LIPI: variants seen among roughly 807,000 people sequenced by gnomAD.
The protein encoded by LIPI is lipase member I.
In LIPI, 59 loss-of-function variants were observed where a neutral mutation model predicts 50.6. The ratio of observed to expected loss-of-function variants is 1.16; its 90% CI spans 0.94 to 1.45. LIPI has a LOEUF of 1.45. LIPI is among the 40% of genes most tolerant of loss of function. The pLI is 0.00. For missense variants in LIPI, 586 were observed against 536.3 expected (o/e 1.09, Z -0.92); for synonymous variants, 203 against 178.2 (o/e 1.14, Z -1.11).
In LIPI at chr21:14,144,690, G is replaced by A; in HGVS notation, c.1228C>T (p.Leu410=). ...TTGTATGTGCATGTGGAACACTGCA[G>A]ATTTGAGCTCTGGAAATATGTCAAA... is the stretch of plus-strand genomic sequence containing the variant. ...IGLTYFQSSN[L]QCSTCTYKIQ... The change falls in exon 9 of 10, where the codon CTG becomes TTG. Residue 410 remains leucine (L), a synonymous_variant. Transcript: ENST00000681601. 6.3e-7 allele frequency: 1 copy of A among 1,583,040 alleles called. No individual in the cohort carries two copies. Among genetic ancestry groups the A allele is most frequent in the Non-Finnish European group, 8.7e-7 (1 of 1,152,186 alleles).
chr21:14,182,409 G>C (rs183864692), intron 3 of LIPI, among the ~76,000 whole-genome samples: 128 of 152,150 alleles, frequency 8.4e-4, no homozygotes, highest in Admixed American at 2.0e-3. Flanking sequence ...TATTATTTCT[G>C]GGTTATCTTA....
intron 9 of LIPI, among the ~76,000 whole-genome samples, chr21:14,124,052 G>C (rs921044212): frequency 2.6e-5 from 4 of 152,176 alleles, no homozygotes; most frequent in Admixed American, 1.3e-4. Flanking sequence ...CTCATGGTTT[G>C]GAGGCTTTAA....
At chr21:14,133,741 C>CA (rs1025477294) in intron 9 of LIPI, among the ~76,000 whole-genome samples, 1 of 151,944 alleles carries the variant, frequency 6.6e-6, no homozygotes, top group Non-Finnish European at 1.5e-5. Flanking sequence ...AAGACTCCAC[C>CA]AAAAAAACTC....
intron 9 of LIPI, among the ~76,000 whole-genome samples, chr21:14,110,601 T>C (rs1386169350): frequency 6.6e-6 from 1 of 151,904 alleles, no homozygotes; most frequent in African/African-American, 2.4e-5. Context: ...TGTAATTTTC[T>C]ATCCTTTGAC....
At chr21:14,193,586 A>G (rs2019748671) in intron 1 of LIPI, among the ~76,000 whole-genome samples, 1 of 152,176 alleles carries the variant, frequency 6.6e-6, no homozygotes, top group Admixed American at 6.5e-5. Context: ...AAAAGTGAGC[A>G]GAAATGCTGC....
chr21:14,183,466 T>C (rs1194540258), intron 3 of LIPI, among the ~76,000 whole-genome samples: 2 of 152,098 alleles, frequency 1.3e-5, no homozygotes, highest in Non-Finnish European at 2.9e-5. Flanking sequence ...AAAGCCAAAA[T>C]TGAGAAATGG....
At chr21:14,203,456 T>G (rs2020130642) in intron 1 of LIPI, among the ~76,000 whole-genome samples, 1 of 152,090 alleles carries the variant, frequency 6.6e-6, no homozygotes, top group African/African-American at 2.4e-5. Flanking sequence ...AATGATAGAC[T>G]GGATTAAGAA....
At chr21:14,171,162 T>A (rs933042759) in intron 4 of LIPI, among the ~76,000 whole-genome samples, 1 of 150,850 alleles carries the variant, frequency 6.6e-6, no homozygotes, top group Non-Finnish European at 1.5e-5. Flanking sequence ...TTACAAGGGA[T>A]GTGATTGACC....
intron 7 of LIPI, among the ~76,000 whole-genome samples, chr21:14,161,499 T>A (rs1447383618): frequency 7.4e-6 from 1 of 134,536 alleles, no homozygotes; most frequent in Middle Eastern, 3.8e-3. Context: ...TATATAGATA[T>A]CTATAATATA....
chr21:14,181,989 T>C (rs2019289212), intron 3 of LIPI, 130 bp from the exon 4 acceptor site: 1 of 667,756 alleles, frequency 1.5e-6, no homozygotes, highest in Non-Finnish European at 2.7e-6. Flanking sequence ...TCCAAGAACA[T>C]ATCTAAAAAC....
chr21:14,146,777 T>A (rs1222379973), intron 8 of LIPI, among the ~76,000 whole-genome samples: 1 of 44,654 alleles, frequency 2.2e-5, no homozygotes, highest in African/African-American at 7.4e-5. Context: ...TCTCTATTTT[T>A]TTTTTTTTTT....
At chr21:14,204,002 C>G (rs1187192896) in intron 1 of LIPI, among the ~76,000 whole-genome samples, 1 of 151,826 alleles carries the variant, frequency 6.6e-6, no homozygotes, top group Admixed American at 6.6e-5. Context: ...AACCAAATGC[C>G]ACATGTTCTC....
At chr21:14,124,917 C>T (rs1313239353) in intron 9 of LIPI, among the ~76,000 whole-genome samples, 1 of 152,088 alleles carries the variant, frequency 6.6e-6, no homozygotes, top group Non-Finnish European at 1.5e-5. Flanking sequence ...ATTGCTTGAA[C>T]CCGGGAGGTG....
At chr21:14,199,553 C>T (rs1435970918) in intron 1 of LIPI, among the ~76,000 whole-genome samples, 1 of 151,378 alleles carries the variant, frequency 6.6e-6, no homozygotes, top group Non-Finnish European at 1.5e-5. Context: ...AATTGGAATC[C>T]CTGAACATAC....
At chr21:14,183,539 A>C (rs902208918) in intron 3 of LIPI, among the ~76,000 whole-genome samples, 1 of 152,212 alleles carries the variant, frequency 6.6e-6, no homozygotes, top group South Asian at 2.1e-4. Context: ...TGAACAGGCA[A>C]CCTATAGAAT....
At chr21:14,205,554 C>A (rs1285010033) in intron 1 of LIPI, among the ~76,000 whole-genome samples, 3 of 152,030 alleles carry the variant, frequency 2.0e-5, no homozygotes, top group Admixed American at 2.0e-4. Flanking sequence ...ATACCTCCCC[C>A]CACACACACA....
intron 4 of LIPI, among the ~76,000 whole-genome samples, chr21:14,173,555 G>A (rs2018993283): frequency 6.6e-6 from 1 of 152,186 alleles, no homozygotes; most frequent in Non-Finnish European, 1.5e-5. Flanking sequence ...TGCTAAATAA[G>A]ATAACAATGC....
In LIPI at chr21:14,154,486, G is replaced by A. The variant is rs566493717; in HGVS notation, c.1007-1802C>T. On this transcript the variant is annotated intron_variant, in intron 7 of 9. Transcript: ENST00000681601. ...ACCAGAAGGAAGGAGTTGAAGGAGGGAATAAGACAAAATGTAGAAAACTGA... is the reference window on the plus strand; with the variant it reads ...ACCAGAAGGAAGGAGTTGAAGGAGGAAATAAGACAAAATGTAGAAAACTGA... Among the ~76,000 whole-genome samples the A allele has an allele frequency of 4.0e-5, 6 of 151,782 alleles. No homozygotes were observed. In the South Asian group the frequency reaches 1.0e-3, roughly 26 times the overall value.
At chr21:14,140,502 A>G (rs991031691) in intron 9 of LIPI, among the ~76,000 whole-genome samples, 2 of 152,092 alleles carry the variant, frequency 1.3e-5, no homozygotes, top group South Asian at 2.1e-4. Context: ...TTAATTTTGT[A>G]TATTTGTAGG....
Sources: gnomAD v4.1 joint callset for allele counts (sites outside exome capture counted in the v4.1 genomes callset) on GRCh38, gnomAD v4.1.1 for gene constraint, MANE v1.5 for transcripts, NCBI Gene and HGNC (gene_info 2026-07-23, HGNC 2026-07-21) for gene names.